Variants in SNX29 observed in about 807,000 individuals in gnomAD.
SNX29 encodes sorting nexin 29, also known as sorting nexin-29.
SNX29 carries 78 observed loss-of-function variants against 102.1 expected under a neutral mutation model. The observed-to-expected ratio is 0.76, with a 90% confidence interval of 0.64 to 0.92. SNX29 has a LOEUF of 0.92. Ranked by LOEUF, SNX29 falls within the 40% of genes least tolerant of loss-of-function variation. SNX29 has a pLI of 0.00. For missense variants in SNX29, 1,280 were observed against 1,061.7 expected (o/e 1.21, Z -2.86); for synonymous variants, 580 against 414.5 (o/e 1.40, Z -4.85).
chr16:12,551,303 C>A (rs1004856376), intron 20 of SNX29, among the ~76,000 whole-genome samples: 1 of 152,142 alleles, frequency 6.6e-6, no homozygotes, highest in Non-Finnish European at 1.5e-5. Context: ...TGTCAGCCCA[C>A]CAAAAAGCCA....
intron 13 of SNX29, among the ~76,000 whole-genome samples, chr16:12,188,866 T>G (rs1006435232): frequency 6.6e-6 from 1 of 152,200 alleles, no homozygotes; most frequent in African/African-American, 2.4e-5. Flanking sequence ...GCCCTTGCCC[T>G]GTCTTATTAG....
rs535072820 is a variant in SNX29 at position 12,571,190 on chromosome 16, C to T, written c.*2561C>T. 2.6e-5 allele frequency: 6 copies of T among 232,286 alleles called. No homozygotes were observed. The highest frequency in any genetic ancestry group is 6.6e-5 in the African/African-American group (3 of 45,176). 14.4% of individuals were successfully genotyped at this position (232,286 alleles called of 1,614,324 possible). A position where few individuals can be genotyped will look rare whatever the true frequency, so the allele number is the denominator to read the frequency against. ...CTGCTCTCTAGTGTGGTGGGATGAA[C>T]TTCAGGCAACAAACAACTGGCAGGG... On this transcript the variant is annotated 3_prime_UTR_variant, in exon 21 of 21. Coordinates refer to ENST00000566228, the MANE Select transcript of SNX29 (RefSeq NM_032167.5).
chr16:12,198,920 C>A (rs143355004), intron 13 of SNX29, among the ~76,000 whole-genome samples: 1 of 152,312 alleles, frequency 6.6e-6, no homozygotes, highest in East Asian at 1.9e-4. Flanking sequence ...GGCAGTTTTT[C>A]CCCCTTTGTC....
At chr16:12,210,817 C>A (rs946644800) in intron 14 of SNX29, among the ~76,000 whole-genome samples, 1 of 151,952 alleles carries the variant, frequency 6.6e-6, no homozygotes, top group Non-Finnish European at 1.5e-5. Context: ...CTGCTCCGGT[C>A]TATTTTGTAT....
intron 15 of SNX29, among the ~76,000 whole-genome samples, chr16:12,346,397 G>C (rs1042184331): frequency 6.6e-6 from 1 of 152,130 alleles, no homozygotes; most frequent in Admixed American, 6.5e-5. Context: ...CCTCACAAAA[G>C]CCCTTTGACA....
At chr16:12,461,228 G>T (rs1049787216) in intron 18 of SNX29, among the ~76,000 whole-genome samples, 1 of 152,176 alleles carries the variant, frequency 6.6e-6, no homozygotes, top group Non-Finnish European at 1.5e-5. Flanking sequence ...GCTCAGCTCA[G>T]TATCTCTCCT....
intron 13 of SNX29, among the ~76,000 whole-genome samples, chr16:12,147,046 C>T (rs943445429): frequency 5.9e-5 from 9 of 152,190 alleles, no homozygotes; most frequent in African/African-American, 1.9e-4. Context: ...TTCTAGAATC[C>T]AATCAAAGAC....
chr16:12,162,480 C>T (rs576018934), intron 13 of SNX29, among the ~76,000 whole-genome samples: 23 of 152,210 alleles, frequency 1.5e-4, no homozygotes, highest in Non-Finnish European at 3.2e-4. Context: ...CTACTGAAGT[C>T]TGCTGTTGTA....
At chr16:12,306,891 G>A (rs2080354989) in intron 15 of SNX29, among the ~76,000 whole-genome samples, 1 of 152,174 alleles carries the variant, frequency 6.6e-6, no homozygotes, top group Non-Finnish European at 1.5e-5. Context: ...GTTCTTCAAG[G>A]GTTTGCCATA....
intron 13 of SNX29, among the ~76,000 whole-genome samples, chr16:12,142,196 C>CCACT (rs1220259304): frequency 6.6e-6 from 1 of 152,184 alleles, no homozygotes. Flanking sequence ...CACACTGAAC[C>CCACT]CACTGTTGAG....
chr16:12,080,758 C>A (rs958782608), intron 11 of SNX29, among the ~76,000 whole-genome samples: 7 of 149,160 alleles, frequency 4.7e-5, no homozygotes, highest in African/African-American at 1.7e-4. Context: ...ATGGCACGAT[C>A]TCAGCTTACT....
intron 16 of SNX29, among the ~76,000 whole-genome samples, chr16:12,384,079 C>T (rs1332015212): frequency 1.3e-5 from 2 of 152,092 alleles, no homozygotes; most frequent in Non-Finnish European, 2.9e-5. Context: ...GAATAGTACC[C>T]CACTGTGTAT....
intron 19 of SNX29, among the ~76,000 whole-genome samples, chr16:12,483,887 C>T (rs62028450): frequency 0.55 from 83,347 of 151,998 alleles, 23,317 homozygotes; most frequent in African/African-American, 0.65. Flanking sequence ...ATTCCACTTG[C>T]ATTTCATTGG....
chr16:12,304,030 A>G (rs993409775), intron 15 of SNX29, among the ~76,000 whole-genome samples: 6 of 152,206 alleles, frequency 3.9e-5, no homozygotes, highest in African/African-American at 1.4e-4. Flanking sequence ...CTGTTAACAC[A>G]TTGGTAAGGC....
At chr16:12,177,055 C>A (rs1375992507) in intron 13 of SNX29, among the ~76,000 whole-genome samples, 1 of 152,110 alleles carries the variant, frequency 6.6e-6, no homozygotes, top group Non-Finnish European at 1.5e-5. Flanking sequence ...TCAAGCAATC[C>A]TCCTACCTCA....
intron 19 of SNX29, among the ~76,000 whole-genome samples, chr16:12,499,188 A>C (rs534108699): frequency 5.9e-5 from 9 of 152,332 alleles, no homozygotes; most frequent in Non-Finnish European, 1.2e-4. Flanking sequence ...CCAATAAAAA[A>C]TGTGTTTGCT....
At chr16:12,431,438 T>TC in intron 18 of SNX29, among the ~76,000 whole-genome samples, 1 of 151,698 alleles carries the variant, frequency 6.6e-6, no homozygotes, top group African/African-American at 2.4e-5. Flanking sequence ...CTTCTTCTTT[T>TC]TTTTTTTTTG....
intron 18 of SNX29, among the ~76,000 whole-genome samples, chr16:12,405,961 G>A (rs192866939): frequency 6.6e-6 from 1 of 152,078 alleles, no homozygotes; most frequent in Admixed American, 6.5e-5. Flanking sequence ...GAACCCAGGA[G>A]GCAGAGATTG....
intron 11 of SNX29, chr16:12,081,976 G>C (rs1398289524): frequency 6.6e-6 from 1 of 152,398 alleles, no homozygotes; most frequent in Non-Finnish European, 1.5e-5. Flanking sequence ...GTGTCAGCGA[G>C]TCACATTAGG....
Sources: allele counts gnomAD v4.1 joint callset (sites outside exome capture counted in the v4.1 genomes callset), GRCh38; gene constraint gnomAD v4.1.1; transcripts MANE v1.5; gene names NCBI Gene and HGNC (gene_info 2026-07-23, HGNC 2026-07-21).